The following RUFY1 variants were observed in gnomAD, a reference collection of about 807,000 sequenced individuals.
RUFY1 encodes RUN and FYVE domain-containing protein 1.
A neutral mutation model predicts 94.6 loss-of-function variants in RUFY1; 54 were observed. The ratio of observed to expected loss-of-function variants is 0.57; its 90% confidence interval spans 0.46 to 0.72. The LOEUF (loss-of-function observed/expected upper bound fraction) is 0.72, where lower values mean the gene tolerates loss of function less well. Ranked by LOEUF, RUFY1 falls within the 30% of genes least tolerant of loss-of-function variation. The pLI, the probability that RUFY1 is intolerant of heterozygous loss-of-function variation, is 0.00. For missense variants in RUFY1, 883 were observed against 883.9 expected (o/e 1.00, Z 0.01); for synonymous variants, 396 against 347.3 (o/e 1.14, Z -1.56).
Position 179,593,668 on chromosome 5 carries a change from T to C in RUFY1, c.1413+23T>C, listed in dbSNP as rs773625608. The C allele has an allele frequency of 1.9e-6, 3 of 1,607,306 alleles. No individual in the cohort carries two copies. The South Asian group carries it at 3.3e-5, about 18-fold the overall frequency. On this transcript the variant is annotated intron_variant, in intron 11 of 17. Transcript: ENST00000319449. ...CAGGTGGGAGTTGGCTTTGTGTCCA[T>C]GGCACAGCCTGGTTTCTGCTGCTCG...
chr5:179,572,119 T>A (rs770672444), intron 5 of RUFY1: 14 of 196,858 alleles, frequency 7.1e-5, no homozygotes, highest in Non-Finnish European at 1.4e-4. Context: ...CGTCTGGTTG[T>A]CAGTCTGTCC....
At chr5:179,559,471 G>A (rs1186186474) in intron 1 of RUFY1, among the ~76,000 whole-genome samples, 1 of 152,216 alleles carries the variant, frequency 6.6e-6, no homozygotes, top group Non-Finnish European at 1.5e-5. Context: ...GCACCCGGCT[G>A]GCACTATCCG....
At chr5:179,593,716 A>C (rs1463889929) in intron 11 of RUFY1, 71 bp downstream of exon 11, 1 of 1,553,508 alleles carries the variant, frequency 6.4e-7, no homozygotes, top group Admixed American at 2.0e-5. Flanking sequence ...CATTCTTCTT[A>C]CAAAATGAGC....
At chr5:179,555,488 C>T (rs1057038546) in intron 1 of RUFY1, among the ~76,000 whole-genome samples, 2 of 152,010 alleles carry the variant, frequency 1.3e-5, no homozygotes, top group African/African-American at 4.8e-5. Context: ...ACAGGTAACC[C>T]CATAGTAGGG....
intron 15 of RUFY1, among the ~76,000 whole-genome samples, chr5:179,604,629 T>G (rs1210813722): frequency 6.6e-6 from 1 of 152,152 alleles, no homozygotes; most frequent in Non-Finnish European, 1.5e-5. Flanking sequence ...GACCTGCCAT[T>G]TTGTCACTGA....
chr5:179,600,684 C>CTTTTTTTTTTTTTTTTT lies in RUFY1; in HGVS notation c.1762-1194_1762-1178dup, dbSNP rs398000079. Among the ~76,000 whole-genome samples the CTTTTTTTTTTTTTTTTT allele has an allele frequency of 2.2e-4, 12 of 54,706 alleles. 3 individuals carry two copies. The highest frequency in any genetic ancestry group is 9.6e-4 in the African/African-American group (12 of 12,444). The allele number at this position is 54,706 out of a possible 152,430, so 35.9% of individuals were successfully genotyped here. On this transcript the variant is annotated intron_variant, in intron 14 of 17. Transcript: ENST00000319449. ...AGCCTCATTTGTCCTATGATGGTAA[C>CTTTTTTTTTTTTTTTTT]TTTTTTTTTTTTTTTTTTTTTTTTT...
chr5:179,606,003 A>G (rs954721575), intron 16 of RUFY1, 79 bp downstream of exon 16: 2 of 960,248 alleles, frequency 2.1e-6, no homozygotes, highest in African/African-American at 3.2e-5. Context: ...AAGTATCCCA[A>G]CAGTCAGGTG....
intron 8 of RUFY1, among the ~76,000 whole-genome samples, chr5:179,587,206 C>G (rs999879549): frequency 1.3e-5 from 2 of 151,928 alleles, no homozygotes; most frequent in Non-Finnish European, 2.9e-5. Context: ...GTACACACCA[C>G]CAACACCCGG....
chr5:179,603,319 C>T (rs1019362171), intron 15 of RUFY1, among the ~76,000 whole-genome samples: 1 of 151,916 alleles, frequency 6.6e-6, no homozygotes, highest in African/African-American at 2.4e-5. Context: ...GGTGGGAATG[C>T]GGTCTGCCCA....
intron 13 of RUFY1, among the ~76,000 whole-genome samples, chr5:179,597,836 G>GCTCCCTCCTGGCCTT (rs1191209570): frequency 1.3e-5 from 2 of 152,178 alleles, no homozygotes; most frequent in Non-Finnish European, 2.9e-5. Context: ...TCAGGCTGAG[G>GCTCCCTCCTGGCCTT]CTCCCTCCTG....
intron 7 of RUFY1, 82 bp downstream of exon 7, chr5:179,581,094 A>G (rs751067444): frequency 3.7e-6 from 3 of 815,000 alleles, no homozygotes; most frequent in Non-Finnish European, 6.1e-6. Flanking sequence ...GTTGCCACGT[A>G]TTTATAAATA....
rs1170021829 is a variant in RUFY1 at position 179,607,596 on chromosome 5, G to A, written c.1920G>A (p.Leu640=). The A allele has an allele frequency of 6.2e-7, 1 of 1,614,128 alleles. No homozygotes were observed. The highest frequency in any genetic ancestry group is 1.3e-5 in the African/African-American group (1 of 74,950). The change falls in exon 17 of 18, where the codon CTG becomes CTA. Residue 640 remains leucine (L), a synonymous_variant. Transcript: ENST00000319449. ...TTCCTCTTCAGGGCCACGCCTGGCT[G>A]AAAGATGACGAAGCGACACACTGTA... is the stretch of plus-strand genomic sequence containing the variant. The part of the protein sequence containing the change: ...VNQALKGHAW[L]KDDEATHCRQ...
intron 1 of RUFY1, among the ~76,000 whole-genome samples, chr5:179,556,028 G>C (rs1762102000): frequency 6.6e-6 from 1 of 151,948 alleles, no homozygotes; most frequent in South Asian, 2.1e-4. Flanking sequence ...TAACGTATAA[G>C]ATTATTCATC....
At chr5:179,607,522 C>A (rs1277995988) in intron 16 of RUFY1, 60 bp from the exon 17 acceptor site, 1 of 1,420,878 alleles carries the variant, frequency 7.0e-7, no homozygotes, top group Non-Finnish European at 1.0e-6. Context: ...CAGAACGCAG[C>A]TACCCACTCA....
intron 6 of RUFY1, among the ~76,000 whole-genome samples, chr5:179,580,246 T>TATATATATATATATATA (rs1554118967): frequency 3.8e-5 from 4 of 104,200 alleles, no homozygotes; most frequent in Non-Finnish European, 4.7e-5. Context: ...TGTGTGTATA[T>TATATATATATATATATA]TTTTTTTTTT....
chr5:179,550,813 G>A lies in RUFY1; in HGVS notation c.244G>A (p.Gly82Arg). 7.8e-7 allele frequency: 1 copy of A among 1,284,510 alleles called. No homozygotes were observed. Among genetic ancestry groups the A allele is most frequent in the Non-Finnish European group, 9.8e-7 (1 of 1,018,674 alleles). 79.6% of individuals were successfully genotyped at this position (1,284,510 alleles called of 1,614,324 possible). Reference sequence around the variant, plus strand: ...CACCGGGAACCTGTCGGCGAGCTGCGGGAGCGCGCTGCGCGCGGCCGCGGG... The same window carrying A: ...CACCGGGAACCTGTCGGCGAGCTGCAGGAGCGCGCTGCGCGCGGCCGCGGG... Reference protein sequence around the residue: ...RATGNLSASCGSALRAAAGLG... With the variant: ...RATGNLSASCRSALRAAAGLG... Residue 82 changes from glycine to arginine, a missense_variant, in exon 1 of 18, where the codon GGG (glycine) becomes AGG (arginine). Coordinates refer to ENST00000319449, the MANE Select transcript of RUFY1 (RefSeq NM_025158.5).
chr5:179,562,240 C>T (rs559918967), intron 2 of RUFY1, among the ~76,000 whole-genome samples: 70 of 151,852 alleles, frequency 4.6e-4, no homozygotes, highest in East Asian at 1.8e-3. Context: ...GGTGAAACCC[C>T]GTCTCTACTA....
At chr5:179,554,570 G>A (rs1762019724) in intron 1 of RUFY1, among the ~76,000 whole-genome samples, 2 of 152,026 alleles carry the variant, frequency 1.3e-5, no homozygotes, top group African/African-American at 2.4e-5. Context: ...TTTCCCATGT[G>A]GGGTCTGGTA....
chr5:179,601,889 T>C lies in RUFY1; in HGVS notation c.1762-3T>C. ...CAGCATCTGGTTGGTTTGTTCATTT[T>C]AGGAGTTGCGGGAGCTTCAGGACGA... On this transcript the variant is annotated splice_region_variant and splice_polypyrimidine_tract_variant and intron_variant, in intron 14 of 17. Transcript: ENST00000319449. 6.2e-7 allele frequency: 1 copy of C among 1,609,600 alleles called. No individual in the cohort carries two copies.
Sources: allele counts gnomAD v4.1 joint callset (sites outside exome capture counted in the v4.1 genomes callset), GRCh38; gene constraint gnomAD v4.1.1; transcripts MANE v1.5; gene names NCBI Gene and HGNC (gene_info 2026-07-23, HGNC 2026-07-21).